Variants in ANXA13 observed in about 807,000 individuals in gnomAD.
ANXA13 encodes annexin XIII.
Under a neutral mutation model 46.6 loss-of-function variants are expected in ANXA13, and 36 were observed. The ratio of observed to expected loss-of-function variants is 0.77; its 90% confidence interval spans 0.59 to 1.02. The LOEUF is 1.02. Ranked by LOEUF, ANXA13 falls within the 50% of genes least tolerant of loss-of-function variation. The probability of loss-of-function intolerance (pLI) is 0.00; values close to 1 mark genes in which losing one functional copy is unlikely to be tolerated. For synonymous variants in ANXA13, 163 were observed against 152.9 expected (o/e 1.07, Z -0.49); for missense variants, 417 against 396.5 (o/e 1.05, Z -0.44).
chr8:123,725,165 A>T (rs186467851), intron 1 of ANXA13, among the ~76,000 whole-genome samples: 1 of 152,358 alleles, frequency 6.6e-6, no homozygotes, highest in Non-Finnish European at 1.5e-5. Flanking sequence ...CATTTATGGT[A>T]TCAGTATAAA....
chr8:123,710,518 A>G (rs1237419707), intron 2 of ANXA13, among the ~76,000 whole-genome samples: 3 of 152,232 alleles, frequency 2.0e-5, no homozygotes, highest in Admixed American at 6.5e-5. Flanking sequence ...TCGATAAGCA[A>G]AAAATTAGTT....
intron 8 of ANXA13, among the ~76,000 whole-genome samples, chr8:123,691,284 G>T (rs1172200939): frequency 6.6e-6 from 1 of 152,102 alleles, no homozygotes; most frequent in Non-Finnish European, 1.5e-5. Context: ...TAGAACCAGG[G>T]TCTAAGAGCA....
rs550139275 is a variant in ANXA13, at chr8:123,698,396, G to A, written c.350C>T (p.Thr117Ile). ...SVLIEVLCTR[T>I]NKEIIAIKEA... The stretch of plus-strand genomic sequence containing the variant: ...GGCTCAGCTGGGACTGACCTTATTG[G>A]TCCTCGTGCACAGGACCTCAATGAG... Residue 117 changes from threonine (T) to isoleucine (I), a missense_variant, in exon 4 of 11, where the codon ACC becomes ATC. Transcript: ENST00000419625. The A allele has an allele frequency of 3.1e-6, 5 of 1,613,918 alleles. No homozygotes were observed. In the South Asian group the frequency reaches 5.5e-5, roughly 18 times the overall value.
chr8:123,682,297 T>C (rs1026899870), intron 10 of ANXA13, among the ~76,000 whole-genome samples: 1 of 152,112 alleles, frequency 6.6e-6, no homozygotes, highest in Non-Finnish European at 1.5e-5. Flanking sequence ...GAAAAATAAA[T>C]CCAAAGATTG....
Position 123,712,677 on chromosome 8 carries a change from C to G in ANXA13, c.91+1G>C, listed in dbSNP as rs1272391206. ...AATTAGCAACAAAATATCTCTCATA[C>G]CCATTCCTTTGCAGGCTTTGTTCAG... On this transcript the variant is annotated splice_donor_variant, in intron 2 of 10. Transcript: ENST00000419625. LOFTEE classifies it high-confidence loss of function. The G allele has an allele frequency of 1.2e-6, 2 of 1,613,826 alleles. No individual in the cohort carries two copies. The highest frequency in any genetic ancestry group is 2.7e-5 in the African/African-American group (2 of 74,934).
intron 1 of ANXA13, among the ~76,000 whole-genome samples, chr8:123,736,798 C>A (rs978689809): frequency 1.3e-5 from 2 of 151,874 alleles, no homozygotes; most frequent in African/African-American, 4.8e-5. Context: ...TTCTCTTTAG[C>A]CCCTCTTAAG....
At chr8:123,730,137 C>T (rs929996126) in intron 1 of ANXA13, among the ~76,000 whole-genome samples, 7 of 152,192 alleles carry the variant, frequency 4.6e-5, no homozygotes, top group Non-Finnish European at 1.0e-4. Context: ...GTCTTCATTT[C>T]TCTCCAGGGC....
rs192954521 is a variant in ANXA13, at chr8:123,712,964, C to A, written c.16-211G>T. Among the ~76,000 whole-genome samples, 144 of 152,270 alleles carry A rather than the reference C, an allele frequency of 9.5e-4. 1 individual carries two copies. Among genetic ancestry groups the A allele is most frequent in the African/African-American group, 3.2e-3 (132 of 41,548 alleles). ...CTTGGGGCCAGCTGGCCTTGGATGA[C>A]CAGGAGAATGGGCCCCTCTGTTCTC... On this transcript the variant is annotated intron_variant, in intron 1 of 10. Coordinates refer to ENST00000419625, the MANE Select transcript of ANXA13 (RefSeq NM_004306.4).
At chr8:123,701,341 G>A (rs895043724) in intron 3 of ANXA13, among the ~76,000 whole-genome samples, 7 of 152,042 alleles carry the variant, frequency 4.6e-5, no homozygotes, top group Non-Finnish European at 7.4e-5. Flanking sequence ...ATGGTGGCGC[G>A]TGCCTGTAAT....
chr8:123,732,765 C>T (rs369123123), intron 1 of ANXA13, among the ~76,000 whole-genome samples: 1 of 151,962 alleles, frequency 6.6e-6, no homozygotes. Flanking sequence ...AGAGACTTGT[C>T]TTTAAATGAA....
intron 2 of ANXA13, among the ~76,000 whole-genome samples, chr8:123,706,301 G>A (rs963623330): frequency 5.9e-5 from 9 of 152,214 alleles, no homozygotes; most frequent in Non-Finnish European, 1.2e-4. Flanking sequence ...TCTTTTTCTT[G>A]TAAATATCTC....
At chr8:123,712,925 G>T (rs933436029) in intron 1 of ANXA13, among the ~76,000 whole-genome samples, 172 bp from the exon 2 acceptor site, 8 of 152,200 alleles carry the variant, frequency 5.3e-5, no homozygotes, top group Non-Finnish European at 1.5e-5. Context: ...GCCCCAGAGA[G>T]GTGGCTGGTA....
chr8:123,685,053 T>C (rs1813116198), intron 9 of ANXA13, among the ~76,000 whole-genome samples: 1 of 152,190 alleles, frequency 6.6e-6, no homozygotes, highest in Non-Finnish European at 1.5e-5. Context: ...TCTGGTGCTG[T>C]CCTAGGGTTC....
chr8:123,722,710 A>G (rs1306577166), intron 1 of ANXA13, among the ~76,000 whole-genome samples: 1 of 152,094 alleles, frequency 6.6e-6, no homozygotes, highest in Non-Finnish European at 1.5e-5. Context: ...TGGGACTAAT[A>G]CCTGCCCACC....
chr8:123,701,360 C>T (rs969014781), intron 3 of ANXA13, among the ~76,000 whole-genome samples: 3 of 152,152 alleles, frequency 2.0e-5, no homozygotes, highest in Admixed American at 6.5e-5. Context: ...ATCCCAGCTA[C>T]TCAGGAGGCT....
At chr8:123,681,855 ACCTCAGGTGAT>A (rs2129809324) in intron 10 of ANXA13, among the ~76,000 whole-genome samples, 1 of 152,024 alleles carries the variant, frequency 6.6e-6, no homozygotes, top group South Asian at 2.1e-4. Context: ...CGAACTCGTG[ACCTCAGGTGAT>A]CCACCCACCT....
Position 123,737,321 on chromosome 8 carries a change from T to G in ANXA13, c.14A>C (p.His5Pro). Residue 5 changes from histidine (H) to proline (P), a missense_variant and splice_region_variant, in exon 1 of 11, where the codon CAT (histidine) becomes CCT (proline). Transcript: ENST00000419625. Reference sequence around the variant, plus strand: ...TTCCCAAAGGCAATGAGTACTTACATGACGATTGCCCATTTTCCTTTTTCT... The same window carrying G: ...TTCCCAAAGGCAATGAGTACTTACAGGACGATTGCCCATTTTCCTTTTTCT... MGNR[H>P]AKASSPQGFD... 6.2e-7 allele frequency: 1 copy of G among 1,611,498 alleles called. No homozygotes were observed. Among genetic ancestry groups the G allele is most frequent in the Non-Finnish European group, 8.5e-7 (1 of 1,178,586 alleles).
chr8:123,716,499 C>G (rs1423455844), intron 1 of ANXA13, among the ~76,000 whole-genome samples: 2 of 152,122 alleles, frequency 1.3e-5, no homozygotes, highest in Non-Finnish European at 2.9e-5. Context: ...CTTTCCTAAT[C>G]TGCTTGAGAA....
chr8:123,683,059 C>T (rs570185270), intron 10 of ANXA13, among the ~76,000 whole-genome samples: 1 of 152,160 alleles, frequency 6.6e-6, no homozygotes, highest in African/African-American at 2.4e-5. Context: ...GTGACTTTGG[C>T]TGGAGGTCGA....
Sources: gnomAD v4.1 joint callset for allele counts (sites outside exome capture counted in the v4.1 genomes callset) on GRCh38, gnomAD v4.1.1 for gene constraint, MANE v1.5 for transcripts, NCBI Gene and HGNC (gene_info 2026-07-23, HGNC 2026-07-21) for gene names.